The following IL1RAPL1 variants were observed in gnomAD, a reference collection of about 807,000 sequenced individuals.
The protein encoded by IL1RAPL1 is interleukin-1 receptor accessory protein-like 1.
In IL1RAPL1, 3 loss-of-function variants were observed where a neutral mutation model predicts 48.4. That is an observed-to-expected ratio of 0.06 (90% CI 0.03 to 0.16). The LOEUF (loss-of-function observed/expected upper bound fraction) is 0.16. Among genes scored for constraint, IL1RAPL1 ranks in the 10% least tolerant of loss-of-function variants. The probability of loss-of-function intolerance (pLI) is 1.00; values close to 1 mark genes in which losing one functional copy is unlikely to be tolerated. For missense variants in IL1RAPL1, 349 were observed against 530.6 expected (o/e 0.66, Z 3.36); for synonymous variants, 185 against 187.7 (o/e 0.99, Z 0.12).
intron 2 of IL1RAPL1, among the ~76,000 whole-genome samples, chrX:28,910,707 A>C (rs1408448226): frequency 9.1e-6 from 1 of 109,605 alleles, no homozygotes; most frequent in Non-Finnish European, 1.9e-5. Context: ...GTTGCTGCTT[A>C]AGTGTGCTTA....
At chrX:29,605,662 A>G (rs1232709009) in intron 5 of IL1RAPL1, among the ~76,000 whole-genome samples, 1 of 112,135 alleles carries the variant, frequency 8.9e-6, no homozygotes, top group Non-Finnish European at 1.9e-5. Flanking sequence ...TTATACTGTA[A>G]TACACAAAAT....
intron 5 of IL1RAPL1, among the ~76,000 whole-genome samples, chrX:29,571,224 AAATAAT>A (rs35767422): frequency 1.8e-5 from 2 of 109,579 alleles, no homozygotes; most frequent in Non-Finnish European, 3.8e-5. Context: ...CTCCGTCTCA[AAATAAT>A]AATAATAATA....
intron 6 of IL1RAPL1, among the ~76,000 whole-genome samples, chrX:29,802,359 C>A (rs1303871794): frequency 2.7e-5 from 3 of 110,352 alleles, no homozygotes; most frequent in African/African-American, 9.9e-5. Context: ...TAAAATATAC[C>A]AGTGCTTCTC....
intron 2 of IL1RAPL1, among the ~76,000 whole-genome samples, chrX:29,044,652 T>C (rs1926917351): frequency 9.0e-6 from 1 of 110,758 alleles, no homozygotes; most frequent in Non-Finnish European, 1.9e-5. Flanking sequence ...TAATGGAAAA[T>C]CCTGCCCAGT....
At chrX:29,203,722 A>AATATAGATAGATATATATATATATAT (rs1419764371) in intron 2 of IL1RAPL1, among the ~76,000 whole-genome samples, 1 of 78,414 alleles carries the variant, frequency 1.3e-5, no homozygotes, top group Admixed American at 1.6e-4. Context: ...TCCGTCTCAA[A>AATATAGATAGATATATATATATATAT]ATATATATAT....
chrX:28,722,679 A>T (rs1935600763), intron 1 of IL1RAPL1, among the ~76,000 whole-genome samples: 2 of 111,583 alleles, frequency 1.8e-5, no homozygotes, highest in South Asian at 7.6e-4. Flanking sequence ...CAGTTTTCGA[A>T]GGGAATGCTT....
chrX:29,337,446 A>T (rs917446861), intron 3 of IL1RAPL1, among the ~76,000 whole-genome samples: 1 of 111,557 alleles, frequency 9.0e-6, no homozygotes, highest in Non-Finnish European at 1.9e-5. Flanking sequence ...GAAAATCAGT[A>T]GCAGTGAGGA....
At chrX:29,390,837 A>G (rs1473440829) in intron 3 of IL1RAPL1, among the ~76,000 whole-genome samples, 1 of 111,747 alleles carries the variant, frequency 8.9e-6, no homozygotes, top group Non-Finnish European at 1.9e-5. Flanking sequence ...ACTTTGATCT[A>G]TAGTTATGCA....
At chrX:28,806,903 A>G (rs1936739337) in intron 2 of IL1RAPL1, among the ~76,000 whole-genome samples, 1 of 111,325 alleles carries the variant, frequency 9.0e-6, no homozygotes, top group Admixed American at 9.6e-5. Flanking sequence ...AGGAAAACAA[A>G]GCAAGTTTGG....
intron 2 of IL1RAPL1, among the ~76,000 whole-genome samples, chrX:28,907,128 C>G (rs1330579995): frequency 9.0e-6 from 1 of 111,257 alleles, no homozygotes; most frequent in Admixed American, 9.5e-5. Context: ...AATTTTCTGA[C>G]AGTTTTTATT....
At chrX:28,828,749 G>T (rs1920988590) in intron 2 of IL1RAPL1, among the ~76,000 whole-genome samples, 1 of 112,158 alleles carries the variant, frequency 8.9e-6, no homozygotes, top group African/African-American at 3.2e-5. Context: ...GATTACTGTT[G>T]CTTTCCAGTA....
chrX:29,476,891 T>TTTTTTTTTTTTTTTTTTTGGGG, intron 5 of IL1RAPL1, among the ~76,000 whole-genome samples: 1 of 79,506 alleles, frequency 1.3e-5, no homozygotes, highest in Admixed American at 1.2e-4. Context: ...TTTTTTTTTT[T>TTTTTTTTTTTTTTTTTTTGGGG]GAGACGGAGT....
rs770452542 is a variant in IL1RAPL1 at position 29,863,115 on chromosome X, T to G, written c.779-54349T>G. Among the ~76,000 whole-genome samples the G allele has an allele frequency of 2.7e-5, 3 of 111,350 alleles. No individual in the cohort carries two copies. In the East Asian group the frequency reaches 8.4e-4, roughly 31 times the overall value. ...GATATATAATGTGAATGCCATAAAC[T>G]TTCTGTATCTCATTATATCATCCTG... On this transcript the variant is annotated intron_variant, in intron 6 of 10. Transcript: ENST00000378993.
chrX:28,702,213 G>A (rs963668666), intron 1 of IL1RAPL1, among the ~76,000 whole-genome samples: 1 of 111,586 alleles, frequency 9.0e-6, no homozygotes, highest in African/African-American at 3.2e-5. Flanking sequence ...TGTTAGTTAT[G>A]TTGTGTTTTT....
chrX:28,793,211 G>A (rs932029245), intron 2 of IL1RAPL1, among the ~76,000 whole-genome samples: 5 of 109,213 alleles, frequency 4.6e-5, no homozygotes, highest in African/African-American at 1.3e-4. Context: ...TAAACATCTC[G>A]GTTGCTGTCA....
At chrX:29,290,893 G>T (rs746803887) in intron 3 of IL1RAPL1, among the ~76,000 whole-genome samples, 100 of 112,066 alleles carry the variant, frequency 8.9e-4, no homozygotes, top group African/African-American at 3.2e-3. Flanking sequence ...CGAGTTTTGA[G>T]ATAATAAAGG....
At chrX:29,847,980 T>TA (rs1169578716) in intron 6 of IL1RAPL1, among the ~76,000 whole-genome samples, 1 of 111,611 alleles carries the variant, frequency 9.0e-6, no homozygotes, top group Admixed American at 9.5e-5. Context: ...ATATTTTCAT[T>TA]AAAAAATGAT....
chrX:29,137,631 A>G, intron 2 of IL1RAPL1, among the ~76,000 whole-genome samples: 1 of 112,258 alleles, frequency 8.9e-6, no homozygotes, highest in East Asian at 2.8e-4. Context: ...AATAAAACCT[A>G]AACCTCTACT....
chrX:29,700,556 A>G (rs984998584), intron 6 of IL1RAPL1, among the ~76,000 whole-genome samples: 16 of 108,531 alleles, frequency 1.5e-4, no homozygotes, highest in African/African-American at 5.7e-4. Context: ...AAAATTATTT[A>G]ACTGCTATTT....
Sources: gnomAD v4.1 joint callset for allele counts (sites outside exome capture counted in the v4.1 genomes callset) on GRCh38, gnomAD v4.1.1 for gene constraint, MANE v1.5 for transcripts, NCBI Gene and HGNC (gene_info 2026-07-23, HGNC 2026-07-21) for gene names.